The following CCDC3 variants were observed in gnomAD, a reference collection of about 807,000 sequenced individuals.
CCDC3 encodes the protein coiled-coil domain-containing protein 3.
In CCDC3, 24 loss-of-function variants were observed where a neutral mutation model predicts 21.4. The ratio of observed to expected loss-of-function variants is 1.12; its 90% CI spans 0.81 to 1.58. The LOEUF is 1.58. CCDC3 is among the 40% of genes most tolerant of loss of function. CCDC3 has a pLI of 0.00. For missense variants in CCDC3, 425 were observed against 360.9 expected (o/e 1.18, Z -1.44); for synonymous variants, 186 against 166.0 (o/e 1.12, Z -0.93).
At chr10:12,903,117 C>T (rs1191282397) in intron 2 of CCDC3, among the ~76,000 whole-genome samples, 1 of 152,168 alleles carries the variant, frequency 6.6e-6, no homozygotes, top group Admixed American at 6.5e-5. Flanking sequence ...CATAGCACAG[C>T]CATGACCCAG....
At chr10:12,983,973 G>A (rs1406256260) in intron 2 of CCDC3, among the ~76,000 whole-genome samples, 1 of 152,146 alleles carries the variant, frequency 6.6e-6, no homozygotes, top group Non-Finnish European at 1.5e-5. Context: ...TCAGCTACTT[G>A]GGAGACTGAG....
intron 5 of CCDC3, among the ~76,000 whole-genome samples, chr10:13,040,800 A>C (rs1461062503): frequency 6.6e-6 from 1 of 152,064 alleles, no homozygotes; most frequent in Non-Finnish European, 1.5e-5. Context: ...CCACCTGCAT[A>C]CCCAAACTTT....
intron 5 of CCDC3, among the ~76,000 whole-genome samples, chr10:13,042,316 C>T (rs1836467416): frequency 6.6e-6 from 1 of 152,176 alleles, no homozygotes; most frequent in African/African-American, 2.4e-5. Context: ...GGCTTGGGAA[C>T]TAGGACCAAC....
chr10:12,908,608 T>TTTTC (rs1474362685), intron 2 of CCDC3, among the ~76,000 whole-genome samples: 5 of 123,550 alleles, frequency 4.0e-5, no homozygotes, highest in South Asian at 2.5e-4. Context: ...GAACTGTGAT[T>TTTTC]TTTCTTTTTT....
intron 5 of CCDC3, among the ~76,000 whole-genome samples, chr10:13,023,072 G>GT (rs1017708433): frequency 1.1e-3 from 95 of 84,572 alleles, no homozygotes; most frequent in Admixed American, 7.2e-3. Context: ...CTTGAGTTGT[G>GT]TTTTTTTTTG....
At chr10:13,045,854 G>A (rs986356702) in intron 5 of CCDC3, among the ~76,000 whole-genome samples, 1 of 152,118 alleles carries the variant, frequency 6.6e-6, no homozygotes, top group Non-Finnish European at 1.5e-5. Flanking sequence ...ACTTTGGGAG[G>A]CCGAGATGGG....
intron 2 of CCDC3, among the ~76,000 whole-genome samples, chr10:12,972,005 C>T (rs958063519): frequency 6.6e-6 from 1 of 151,966 alleles, no homozygotes; most frequent in Admixed American, 6.6e-5. Flanking sequence ...TTGTCTTTAC[C>T]CTCTGCTCTC....
chr10:12,933,425 G>T (rs1186016781), intron 2 of CCDC3, among the ~76,000 whole-genome samples: 1 of 151,178 alleles, frequency 6.6e-6, no homozygotes, highest in East Asian at 1.9e-4. Context: ...TTATCAGATT[G>T]GTGGGCATAG....
At chr10:12,970,046 G>T (rs1325184149) in intron 2 of CCDC3, among the ~76,000 whole-genome samples, 1 of 152,142 alleles carries the variant, frequency 6.6e-6, no homozygotes, top group Non-Finnish European at 1.5e-5. Context: ...GCTTCTTGAT[G>T]TATTTTGGTA....
intron 2 of CCDC3, among the ~76,000 whole-genome samples, chr10:12,966,075 C>T (rs1487293069): frequency 1.3e-5 from 2 of 152,156 alleles, no homozygotes; most frequent in Non-Finnish European, 2.9e-5. Context: ...CTGGGCCTCA[C>T]TCTATCACCG....
chr10:12,931,267 G>C (rs1589010987), intron 2 of CCDC3, among the ~76,000 whole-genome samples: 1 of 140,316 alleles, frequency 7.1e-6, no homozygotes, highest in Non-Finnish European at 1.5e-5. Context: ...GTATTCATAA[G>C]ACTTTAGGAA....
At chr10:12,925,529 T>C (rs1293371315) in intron 2 of CCDC3, among the ~76,000 whole-genome samples, 1 of 152,240 alleles carries the variant, frequency 6.6e-6, no homozygotes, top group African/African-American at 2.4e-5. Flanking sequence ...CGAGACACTC[T>C]GACCCTGCCT....
At position 13,090,504 on chromosome 10, in the gene CCDC3, A is replaced by C. The variant is rs78314831; in HGVS notation, c.-503+8021T>G. ...TAGAGGAGGTCTCTGAGAAGGACTA[A>C]GTCCATATTTCCAAGCTTAATCTCT... On this transcript the variant is annotated intron_variant, in intron 3 of 6. Coordinates refer to the CCDC3 transcript ENST00000378839. 8.0e-3 allele frequency among the ~76,000 whole-genome samples: 1,217 copies of C among 152,310 alleles called. 15 individuals carry two copies. The highest frequency in any genetic ancestry group is 0.028 in the African/African-American group (1,145 of 41,560).
At chr10:12,924,159 C>CCCAA (rs1834497541) in intron 2 of CCDC3, among the ~76,000 whole-genome samples, 1 of 152,208 alleles carries the variant, frequency 6.6e-6, no homozygotes, top group Non-Finnish European at 1.5e-5. Context: ...GGGGACCCTT[C>CCCAA]CCAATCTCCC....
intron 5 of CCDC3, among the ~76,000 whole-genome samples, chr10:13,012,492 A>G (rs528463296): frequency 6.6e-6 from 1 of 152,308 alleles, no homozygotes; most frequent in South Asian, 2.1e-4. Flanking sequence ...ACATTATACC[A>G]TCTCGCACGA....
rs140936699 is a variant in CCDC3 at position 12,898,507 on chromosome 10, G to A, written c.722C>T (p.Ala241Val). 2.7e-5 allele frequency: 44 copies of A among 1,613,940 alleles called. No individual in the cohort carries two copies. Among genetic ancestry groups the A allele is most frequent in the Non-Finnish European group, 3.4e-5 (40 of 1,179,982 alleles). Residue 241 changes from alanine (A) to valine (V), a missense_variant, in exon 3 of 3, where the codon GCG becomes GTG. Transcript: ENST00000378825. ...CAGCTTCTCACTGAGTTTCTGGTTC[G>A]CCAGCTCCAGGTGGCGGCCCTTCTT... The part of the protein sequence containing the change: ...ARKKGRHLEL[A>V]NQKLSEKLAA...
chr10:13,047,404 G>A (rs1374243609), intron 5 of CCDC3, among the ~76,000 whole-genome samples: 1 of 152,130 alleles, frequency 6.6e-6, no homozygotes, highest in Non-Finnish European at 1.5e-5. Context: ...GGATCACAGT[G>A]CCCTTTGAAA....
chr10:12,940,656 C>G (rs1323290887), intron 2 of CCDC3, among the ~76,000 whole-genome samples: 1 of 151,428 alleles, frequency 6.6e-6, no homozygotes, highest in Non-Finnish European at 1.5e-5. Context: ...TGGTACCGAG[C>G]AAGAAGCTAA....
intron 2 of CCDC3, among the ~76,000 whole-genome samples, chr10:12,931,928 T>C (rs763010086): frequency 2.0e-5 from 3 of 152,210 alleles, no homozygotes; most frequent in Non-Finnish European, 2.9e-5. Context: ...ATTTTTTATA[T>C]ATAAAAAACA....
Sources: gnomAD v4.1 joint callset for allele counts (sites outside exome capture counted in the v4.1 genomes callset) on GRCh38, gnomAD v4.1.1 for gene constraint, MANE v1.5 for transcripts, NCBI Gene and HGNC (gene_info 2026-07-23, HGNC 2026-07-21) for gene names.